The following CMSS1 variants were observed in gnomAD, a reference collection of about 807,000 sequenced individuals.
CMSS1 encodes protein CMSS1.
CMSS1 carries 33 observed loss-of-function variants against 43.5 expected under a neutral mutation model. That is an observed-to-expected ratio of 0.76 (90% CI 0.57 to 1.01). The LOEUF (loss-of-function observed/expected upper bound fraction) is 1.01, where lower values mean the gene tolerates loss of function less well. CMSS1 is among the 50% of genes least tolerant of loss of function. The pLI is 0.00. For synonymous variants in CMSS1, 115 were observed against 117.2 expected (o/e 0.98, Z 0.12); for missense variants, 313 against 326.4 (o/e 0.96, Z 0.32).
At chr3:99,912,927 A>G (rs1706837609) in intron 1 of CMSS1, among the ~76,000 whole-genome samples, 2 of 152,132 alleles carry the variant, frequency 1.3e-5, no homozygotes, top group African/African-American at 2.4e-5. Flanking sequence ...TGTCCCCCCA[A>G]ACTCTTATGT....
intron 1 of CMSS1, among the ~76,000 whole-genome samples, chr3:100,131,012 C>A (rs536154025): frequency 6.6e-6 from 1 of 152,264 alleles, no homozygotes; most frequent in East Asian, 1.9e-4. Flanking sequence ...ACATCAGTAC[C>A]AAATGCCCCA....
chr3:99,835,741 AG>A (rs1942870056), intron 1 of CMSS1, among the ~76,000 whole-genome samples: 1 of 152,194 alleles, frequency 6.6e-6, no homozygotes, highest in African/African-American at 2.4e-5. Flanking sequence ...ATAGCATAGG[AG>A]GGGTAACAAA....
intron 1 of CMSS1, among the ~76,000 whole-genome samples, chr3:100,048,260 A>C (rs2065310098): frequency 6.6e-6 from 1 of 152,222 alleles, no homozygotes; most frequent in African/African-American, 2.4e-5. Context: ...CAATAGACTT[A>C]AAGTTAACTC....
chr3:99,879,897 G>C lies in CMSS1; in HGVS notation c.64+61854G>C, dbSNP rs117033268. 7.8e-4 allele frequency among the ~76,000 whole-genome samples: 118 copies of C among 151,764 alleles called. 3 individuals are homozygous for C. In the East Asian group the frequency reaches 0.022, roughly 29 times the overall value. On this transcript the variant is annotated intron_variant, in intron 1 of 9. Transcript: ENST00000421999. ...CCAGGATTGCATAGGGAGAGGTATA[G>C]TTCCATGGTCCTGCATTGCTTCAGA... is the stretch of plus-strand genomic sequence containing the variant.
At chr3:100,044,351 T>C (rs529673528) in intron 1 of CMSS1, among the ~76,000 whole-genome samples, 2 of 152,180 alleles carry the variant, frequency 1.3e-5, no homozygotes, top group South Asian at 4.2e-4. Flanking sequence ...ATTTACATCA[T>C]AGTATAAAGA....
chr3:99,830,563 T>G (rs1239202342), intron 1 of CMSS1: 2 of 456,666 alleles, frequency 4.4e-6, no homozygotes, highest in Admixed American at 4.7e-5. Context: ...GATTTCGGTT[T>G]AGGGATCCGT....
intron 1 of CMSS1, among the ~76,000 whole-genome samples, chr3:99,857,149 T>C (rs530570578): frequency 7.3e-4 from 111 of 152,278 alleles, no homozygotes; most frequent in Non-Finnish European, 8.7e-4. Context: ...AAAAATACTG[T>C]AGCACTGTCC....
intron 1 of CMSS1, among the ~76,000 whole-genome samples, chr3:100,103,486 T>C (rs1439044600): frequency 2.0e-5 from 3 of 152,216 alleles, no homozygotes; most frequent in Non-Finnish European, 4.4e-5. Flanking sequence ...TAACTGAAGA[T>C]CTAGAGTCTT....
chr3:100,060,279 A>G (rs2065539512), intron 1 of CMSS1, among the ~76,000 whole-genome samples: 1 of 152,096 alleles, frequency 6.6e-6, no homozygotes, highest in Non-Finnish European at 1.5e-5. Context: ...GTACCATGCA[A>G]GGAGAAACCA....
chr3:100,083,922 A>C (rs1221247129), intron 1 of CMSS1, among the ~76,000 whole-genome samples: 1 of 152,134 alleles, frequency 6.6e-6, no homozygotes, highest in East Asian at 1.9e-4. Flanking sequence ...CAGAAGTACT[A>C]AGGTTGTGAG....
At chr3:99,906,042 C>T (rs1225931786) in intron 1 of CMSS1, among the ~76,000 whole-genome samples, 2 of 152,014 alleles carry the variant, frequency 1.3e-5, no homozygotes, top group African/African-American at 4.8e-5. Flanking sequence ...AAAATACAAA[C>T]ATTAGCTGGG....
intron 1 of CMSS1, among the ~76,000 whole-genome samples, chr3:100,139,276 A>G (rs908595139): frequency 6.6e-6 from 1 of 152,134 alleles, no homozygotes; most frequent in African/African-American, 2.4e-5. Context: ...CTATGTAACA[A>G]ACCTGCACGT....
At chr3:100,108,350 C>G (rs1414057410) in intron 1 of CMSS1, among the ~76,000 whole-genome samples, 3 of 152,148 alleles carry the variant, frequency 2.0e-5, no homozygotes, top group Non-Finnish European at 4.4e-5. Flanking sequence ...ATAACAGCCT[C>G]TCATTATTGA....
intron 2 of CMSS1, among the ~76,000 whole-genome samples, chr3:100,158,364 T>A (rs2066994059): frequency 6.6e-6 from 1 of 152,248 alleles, no homozygotes; most frequent in Admixed American, 6.5e-5. Context: ...ACTGTCAAAG[T>A]CACACAGTGT....
At chr3:99,985,458 C>G (rs538367263) in intron 1 of CMSS1, among the ~76,000 whole-genome samples, 66 of 152,176 alleles carry the variant, frequency 4.3e-4, no homozygotes, top group African/African-American at 1.5e-3. Context: ...CAAGATCATA[C>G]CACTATACTT....
At chr3:100,128,840 T>G (rs572143536) in intron 1 of CMSS1, among the ~76,000 whole-genome samples, 3 of 152,388 alleles carry the variant, frequency 2.0e-5, no homozygotes, top group East Asian at 3.9e-4. Flanking sequence ...AGCTATCTAT[T>G]CCTTTTATTA....
intron 1 of CMSS1, among the ~76,000 whole-genome samples, chr3:99,963,951 A>G (rs1430699774): frequency 6.6e-6 from 1 of 152,178 alleles, no homozygotes; most frequent in East Asian, 1.9e-4. Context: ...AAAATGTGTC[A>G]TAACGAAAAT....
chr3:99,931,241 A>G (rs1439553100), intron 1 of CMSS1, among the ~76,000 whole-genome samples: 2 of 152,194 alleles, frequency 1.3e-5, no homozygotes, highest in South Asian at 2.1e-4. Flanking sequence ...ATTTAAAAAA[A>G]GGTGTTCTGT....
At chr3:100,087,074 G>A (rs1440664086) in intron 1 of CMSS1, among the ~76,000 whole-genome samples, 1 of 152,204 alleles carries the variant, frequency 6.6e-6, no homozygotes, top group African/African-American at 2.4e-5. Flanking sequence ...TCATACAGCT[G>A]TACCATAGTT....
Sources: allele counts gnomAD v4.1 joint callset (sites outside exome capture counted in the v4.1 genomes callset), GRCh38; gene constraint gnomAD v4.1.1; transcripts MANE v1.5; gene names NCBI Gene and HGNC (gene_info 2026-07-23, HGNC 2026-07-21).